ASCC3: variants seen among roughly 807,000 people sequenced by gnomAD.
ASCC3 encodes activating signal cointegrator 1 complex subunit 3.
Under a neutral mutation model 256.3 loss-of-function variants are expected in ASCC3, and 158 were observed. That is an observed-to-expected ratio of 0.62 (90% confidence interval 0.54 to 0.70). ASCC3 has a LOEUF of 0.70. Ranked by LOEUF, ASCC3 falls within the 30% of genes least tolerant of loss-of-function variation. The pLI, the probability that ASCC3 is intolerant of heterozygous loss-of-function variation, is 0.00. For missense variants in ASCC3, 2,259 were observed against 2,626.0 expected, an observed-to-expected ratio of 0.86 and a Z score of 3.05; for synonymous variants, 948 against 883.4, an observed-to-expected ratio of 1.07 and a Z score of -1.30.
chr6:100,763,199 A>G (rs1238509579), intron 10 of ASCC3, among the ~76,000 whole-genome samples: 1 of 152,224 alleles, frequency 6.6e-6, no homozygotes. Context: ...TTAATCTGTA[A>G]GAATCTGTGA....
intron 10 of ASCC3, among the ~76,000 whole-genome samples, chr6:100,742,786 A>C (rs1343169207): frequency 1.3e-5 from 2 of 152,172 alleles, no homozygotes; most frequent in Non-Finnish European, 2.9e-5. Context: ...CTCACCCTAG[A>C]AACTCCATCC....
At chr6:100,674,609 A>T (rs1776914563) in intron 14 of ASCC3, among the ~76,000 whole-genome samples, 1 of 149,284 alleles carries the variant, frequency 6.7e-6, no homozygotes, top group Admixed American at 6.7e-5. Context: ...GGCAAGGTAT[A>T]TGTTAGCTTA....
rs1775387010 is a variant in ASCC3 at position 100,540,273 on chromosome 6, T to C, written c.5665A>G (p.Thr1889Ala). The C allele has an allele frequency of 1.2e-6, 2 of 1,613,914 alleles. No homozygotes were observed. Among genetic ancestry groups the C allele is most frequent in the African/African-American group, 1.3e-5 (1 of 74,880 alleles). Reference protein sequence around the residue: ...SNPHSFDSPHTKAHLLLQAHL... With the variant: ...SNPHSFDSPHAKAHLLLQAHL... ...GCCTGTAGCAGGAGATGTGCTTTGG[T>C]GTGAGGGCTGTCAAATGAATGAGGA... Residue 1889 changes from threonine (T) to alanine (A), a missense_variant, in exon 37 of 42, where the codon ACC becomes GCC. Physicochemically the swap from Thr to Ala is moderately conservative, Grantham distance 58. Coordinates refer to ENST00000369162, the MANE Select transcript of ASCC3 (RefSeq NM_006828.4).
At chr6:100,749,070 G>T (rs1020317445) in intron 10 of ASCC3, among the ~76,000 whole-genome samples, 4 of 152,026 alleles carry the variant, frequency 2.6e-5, no homozygotes, top group African/African-American at 9.7e-5. Flanking sequence ...AGTTCATGAA[G>T]AATCAACTTT....
At chr6:100,740,435 G>C (rs977740997) in intron 10 of ASCC3, among the ~76,000 whole-genome samples, 5 of 152,158 alleles carry the variant, frequency 3.3e-5, no homozygotes, top group Admixed American at 3.3e-4. Context: ...GAGTTCTGTA[G>C]ATATCTATCT....
chr6:100,648,798 C>T (rs1775514009), intron 20 of ASCC3, among the ~76,000 whole-genome samples: 1 of 151,774 alleles, frequency 6.6e-6, no homozygotes, highest in African/African-American at 2.4e-5. Context: ...ACAGTTATCC[C>T]CTCAATGCTA....
Position 100,674,695 on chromosome 6 carries a change from C to T in ASCC3, c.2286+4923G>A, listed in dbSNP as rs1266925048. 4.0e-5 allele frequency among the ~76,000 whole-genome samples: 6 copies of T among 148,598 alleles called. No homozygotes were observed. The South Asian group carries it at 6.3e-4, about 16-fold the overall frequency. On this transcript the variant is annotated intron_variant, in intron 14 of 41. Coordinates refer to ENST00000369162, the MANE Select transcript of ASCC3 (RefSeq NM_006828.4). ...TCACCCAGGCTGGAGTGCAGTGGCG[C>T]GATCTTGGCTCACTGCAACCTCCGC...
At chr6:100,663,385 T>C (rs1301473755) in intron 14 of ASCC3, among the ~76,000 whole-genome samples, 3 of 152,084 alleles carry the variant, frequency 2.0e-5, no homozygotes, top group Non-Finnish European at 2.9e-5. Context: ...TCTCACACTG[T>C]CCTATTCCAT....
chr6:100,686,163 T>C (rs1777556083), intron 13 of ASCC3, among the ~76,000 whole-genome samples: 1 of 152,136 alleles, frequency 6.6e-6, no homozygotes, highest in Admixed American at 6.5e-5. Flanking sequence ...AAACATGGGG[T>C]TGTTGTGAGA....
intron 34 of ASCC3, among the ~76,000 whole-genome samples, chr6:100,595,953 G>T (rs1008095676): frequency 6.6e-6 from 1 of 151,958 alleles, no homozygotes; most frequent in Non-Finnish European, 1.5e-5. Context: ...AAAGATAAAT[G>T]CTTATTTTAT....
At position 100,809,140 on chromosome 6, in the gene ASCC3, C is replaced by A. The variant is rs183107588; in HGVS notation, c.802-3260G>T. Among the ~76,000 whole-genome samples the A allele has an allele frequency of 3.2e-3, 484 of 151,738 alleles. 6 individuals are homozygous for A. The highest frequency in any genetic ancestry group is 1.5e-3 in the Non-Finnish European group (100 of 67,848). On this transcript the variant is annotated intron_variant, in intron 4 of 41. Transcript: ENST00000369162. Reference sequence around the variant, plus strand: ...TGTACTACCGTAGACTTTATAAACACTATTCACTTTGGCTACACTACATTT... The same window carrying A: ...TGTACTACCGTAGACTTTATAAACAATATTCACTTTGGCTACACTACATTT...
intron 2 of ASCC3, among the ~76,000 whole-genome samples, chr6:100,864,738 C>A (rs1361045916): frequency 2.0e-5 from 3 of 152,248 alleles, no homozygotes; most frequent in South Asian, 2.1e-4. Context: ...TTGGAAGATT[C>A]TTTTCTATAC....
intron 8 of ASCC3, among the ~76,000 whole-genome samples, chr6:100,768,039 T>A (rs1781745869): frequency 1.3e-5 from 2 of 152,206 alleles, no homozygotes; most frequent in Admixed American, 1.3e-4. Flanking sequence ...ATTTATCTAG[T>A]CTAAAGATGA....
At chr6:100,605,380 T>A (rs1183880148) in intron 33 of ASCC3, among the ~76,000 whole-genome samples, 188 bp downstream of exon 33, 1 of 152,154 alleles carries the variant, frequency 6.6e-6, no homozygotes, top group African/African-American at 2.4e-5. Context: ...CTGCTTATTT[T>A]AAAAAGTTAT....
At chr6:100,809,811 T>C (rs1449254281) in intron 4 of ASCC3, among the ~76,000 whole-genome samples, 1 of 152,088 alleles carries the variant, frequency 6.6e-6, no homozygotes, top group East Asian at 1.9e-4. Flanking sequence ...GTAAAGTATA[T>C]GAAGTAAATG....
At chr6:100,786,125 G>A (rs1562295814) in intron 8 of ASCC3, among the ~76,000 whole-genome samples, 2 of 152,076 alleles carry the variant, frequency 1.3e-5, no homozygotes, top group Non-Finnish European at 2.9e-5. Flanking sequence ...AACTTGGGCT[G>A]CACAATCATA....
At chr6:100,592,393 T>C (rs1562147066) in intron 34 of ASCC3, among the ~76,000 whole-genome samples, 1 of 152,016 alleles carries the variant, frequency 6.6e-6, no homozygotes, top group Non-Finnish European at 1.5e-5. Context: ...TCACTGATCT[T>C]TACCAAATAC....
chr6:100,521,599 C>T (rs543125866), intron 37 of ASCC3, among the ~76,000 whole-genome samples: 2 of 152,156 alleles, frequency 1.3e-5, no homozygotes, highest in Non-Finnish European at 2.9e-5. Flanking sequence ...TAGGCATCCA[C>T]TGGGGGTCTT....
chr6:100,831,308 A>T (rs372665595), intron 4 of ASCC3, among the ~76,000 whole-genome samples: 2 of 151,556 alleles, frequency 1.3e-5, no homozygotes, highest in East Asian at 2.0e-4. Flanking sequence ...TCATACTTTA[A>T]TGCAACTCTT....
Sources: allele counts gnomAD v4.1 joint callset (sites outside exome capture counted in the v4.1 genomes callset), GRCh38; gene constraint gnomAD v4.1.1; transcripts MANE v1.5; gene names NCBI Gene and HGNC (gene_info 2026-07-23, HGNC 2026-07-21).